The following GRIN2B variants were observed in gnomAD, a reference collection of about 807,000 sequenced individuals.
The protein encoded by GRIN2B is glutamate receptor ionotropic, NMDA 2B.
In GRIN2B, 5 loss-of-function variants were observed where a neutral mutation model predicts 114.5. The ratio of observed to expected loss-of-function variants is 0.04; its 90% confidence interval spans 0.02 to 0.09. The LOEUF (loss-of-function observed/expected upper bound fraction) is 0.09, where lower values mean the gene tolerates loss of function less well. Among genes scored for constraint, GRIN2B ranks in the 10% least tolerant of loss-of-function variants. The probability of loss-of-function intolerance (pLI) is 1.00; values close to 1 mark genes in which losing one functional copy is unlikely to be tolerated. For missense variants in GRIN2B, 1,108 were observed against 1,943.5 expected (o/e 0.57, Z 8.08); for synonymous variants, 787 against 745.1 (o/e 1.06, Z -0.92).
chr12:13,693,892 GA>G (rs1435385705), intron 4 of GRIN2B, among the ~76,000 whole-genome samples: 1 of 152,066 alleles, frequency 6.6e-6, no homozygotes, highest in Non-Finnish European at 1.5e-5. Flanking sequence ...CTTCTGCACT[GA>G]AAAATGAGTT....
rs1277578963 is a variant in GRIN2B at position 13,624,005 on chromosome 12, A to G, written c.1126-7348T>C. Reference sequence around the variant, plus strand: ...TCTGTCCCCTTGCCATGTTTCAGGAATGTTCTGCATTCTCCTTGGCCCTTC... The same window carrying G: ...TCTGTCCCCTTGCCATGTTTCAGGAGTGTTCTGCATTCTCCTTGGCCCTTC... On this transcript the variant is annotated intron_variant, in intron 5 of 13. Transcript: ENST00000609686. Among the ~76,000 whole-genome samples, 3 of 152,180 alleles carry G rather than the reference A, an allele frequency of 2.0e-5. No homozygotes were observed. In the East Asian group the frequency reaches 5.8e-4, roughly 29 times the overall value.
At chr12:13,585,541 C>A (rs573554552) in intron 10 of GRIN2B, among the ~76,000 whole-genome samples, 23 of 152,344 alleles carry the variant, frequency 1.5e-4, no homozygotes, top group African/African-American at 5.3e-4. Flanking sequence ...ACCACGCACA[C>A]TGCATGCCCC....
rs542004495 is a variant in GRIN2B at position 13,833,763 on chromosome 12, C to T, written c.411+32035G>A. 2.0e-5 allele frequency among the ~76,000 whole-genome samples: 3 copies of T among 152,244 alleles called. No individual in the cohort carries two copies. The East Asian group carries it at 5.8e-4, about 29-fold the overall frequency. ...CATTTTACAGATGCAGAAATGAAGG[C>T]CCCAGAGCATAAGGGACTTTTCCAC... On this transcript the variant is annotated intron_variant, in intron 3 of 13. Transcript: ENST00000609686.
chr12:13,979,600 T>G (rs1469492987), intron 2 of GRIN2B, among the ~76,000 whole-genome samples: 1 of 151,710 alleles, frequency 6.6e-6, no homozygotes, highest in Admixed American at 6.6e-5. Flanking sequence ...AATAAAATGC[T>G]ATTTAACTGG....
chr12:13,547,981 A>ATATATATATATT lies in GRIN2B; in HGVS notation c.*14801_*14802insAATATATATATA. 5.8e-5 allele frequency: 4 copies of ATATATATATATT among 68,572 alleles called. No individual in the cohort carries two copies. The highest frequency in any genetic ancestry group is 1.2e-3 in the East Asian group (2 of 1,738). 4.2% of individuals were successfully genotyped at this position (68,572 alleles called of 1,614,324 possible). A position where few individuals can be genotyped will look rare whatever the true frequency, so the allele number is the denominator to read the frequency against. The stretch of plus-strand genomic sequence containing the variant: ...TGTGTATATATATATATATATATAT[A>ATATATATATATT]TTTTTTTTTTTTTTCTGAAAGCTAC... On this transcript the variant is annotated 3_prime_UTR_variant, in exon 14 of 14. Transcript: ENST00000609686.
At chr12:13,964,959 G>T (rs1298415009) in intron 2 of GRIN2B, among the ~76,000 whole-genome samples, 1 of 152,158 alleles carries the variant, frequency 6.6e-6, no homozygotes, top group Admixed American at 6.5e-5. Flanking sequence ...ATATAGGTTG[G>T]GTCCAAGCTC....
chr12:13,854,127 A>G (rs1341178822), intron 3 of GRIN2B, among the ~76,000 whole-genome samples: 3 of 152,224 alleles, frequency 2.0e-5, no homozygotes, highest in African/African-American at 4.8e-5. Context: ...TTGGGTGAGG[A>G]GTACAGCCCT....
chr12:13,714,447 A>C (rs1950439079), intron 4 of GRIN2B, among the ~76,000 whole-genome samples: 1 of 151,868 alleles, frequency 6.6e-6, no homozygotes, highest in Non-Finnish European at 1.5e-5. Flanking sequence ...ATTCTAAGAA[A>C]TACTGTATTT....
Position 13,547,981 on chromosome 12 carries a change from A to ATATATATATTTTTTTTT in GRIN2B, c.*14801_*14802insAAAAAAAAATATATATA. ...TGTGTATATATATATATATATATATATTTTTTTTTTTTTTCTGAAAGCTAC... is the reference window on the plus strand; with the variant it reads ...TGTGTATATATATATATATATATATATATATATATTTTTTTTTTTTTTTTTTTTTTTCTGAAAGCTAC... On this transcript the variant is annotated 3_prime_UTR_variant, in exon 14 of 14. Coordinates refer to ENST00000609686, the MANE Select transcript of GRIN2B (RefSeq NM_000834.5). 9 of 68,590 alleles carry ATATATATATTTTTTTTT rather than the reference A, an allele frequency of 1.3e-4. 1 individual carries two copies. The highest frequency in any genetic ancestry group is 5.8e-4 in the Admixed American group (3 of 5,188). 4.2% of individuals were successfully genotyped at this position (68,590 alleles called of 1,614,324 possible).
At chr12:13,588,771 G>T (rs1396394505) in intron 10 of GRIN2B, among the ~76,000 whole-genome samples, 1 of 152,174 alleles carries the variant, frequency 6.6e-6, no homozygotes, top group Non-Finnish European at 1.5e-5. Context: ...ATGTGGTCAG[G>T]CTGCGTTATA....
At chr12:13,880,521 C>G (rs572715833) in intron 2 of GRIN2B, among the ~76,000 whole-genome samples, 70 of 152,294 alleles carry the variant, frequency 4.6e-4, no homozygotes, top group African/African-American at 1.5e-3. Flanking sequence ...GAAACCGCAG[C>G]TGCCTCTGAG....
intron 3 of GRIN2B, among the ~76,000 whole-genome samples, chr12:13,847,554 G>A (rs954374817): frequency 1.1e-4 from 17 of 152,148 alleles, no homozygotes; most frequent in Non-Finnish European, 2.2e-4. Context: ...GATGAAGCAC[G>A]ATGATGGCTG....
At chr12:13,811,584 A>G (rs1864731674) in intron 3 of GRIN2B, among the ~76,000 whole-genome samples, 1 of 152,206 alleles carries the variant, frequency 6.6e-6, no homozygotes, top group Non-Finnish European at 1.5e-5. Context: ...TGTCTTTTAA[A>G]TAAATAAATA....
At chr12:13,568,297 T>C (rs911146295) in intron 12 of GRIN2B, among the ~76,000 whole-genome samples, 2 of 152,148 alleles carry the variant, frequency 1.3e-5, no homozygotes, top group Non-Finnish European at 2.9e-5. Flanking sequence ...ACAAGCAAAA[T>C]TCTGAAAAAT....
At chr12:13,911,898 G>A (rs1201057548) in intron 2 of GRIN2B, among the ~76,000 whole-genome samples, 2 of 152,180 alleles carry the variant, frequency 1.3e-5, no homozygotes, top group Non-Finnish European at 2.9e-5. Context: ...CGGCAGGCTT[G>A]ATTGCCTCTG....
At chr12:13,914,795 A>G (rs1380386109) in intron 2 of GRIN2B, among the ~76,000 whole-genome samples, 6 of 152,198 alleles carry the variant, frequency 3.9e-5, no homozygotes, top group Admixed American at 6.5e-5. Flanking sequence ...GGAGATCACT[A>G]TGTTGAGTGA....
At chr12:13,717,405 C>T (rs1042844090) in intron 4 of GRIN2B, among the ~76,000 whole-genome samples, 1 of 151,940 alleles carries the variant, frequency 6.6e-6, no homozygotes, top group Non-Finnish European at 1.5e-5. Context: ...CTATCTCTAT[C>T]ATCAACCCTT....
At chr12:13,895,867 T>G (rs545339138) in intron 2 of GRIN2B, among the ~76,000 whole-genome samples, 1 of 152,232 alleles carries the variant, frequency 6.6e-6, no homozygotes, top group South Asian at 2.1e-4. Context: ...TTTTTAAGAG[T>G]CCTGTGCCTA....
intron 3 of GRIN2B, among the ~76,000 whole-genome samples, chr12:13,853,992 G>A (rs1418682575): frequency 6.6e-6 from 1 of 152,152 alleles, no homozygotes; most frequent in Non-Finnish European, 1.5e-5. Flanking sequence ...AGAACTAAAA[G>A]AACTACTACC....
Sources: gnomAD v4.1 joint callset for allele counts (sites outside exome capture counted in the v4.1 genomes callset) on GRCh38, gnomAD v4.1.1 for gene constraint, MANE v1.5 for transcripts, NCBI Gene and HGNC (gene_info 2026-07-23, HGNC 2026-07-21) for gene names.